PLPPR5: variants seen among roughly 807,000 people sequenced by gnomAD.
PLPPR5 encodes the protein phospholipid phosphatase-related protein type 5.
PLPPR5 carries 16 observed loss-of-function variants against 33.9 expected under a neutral mutation model. The ratio of observed to expected loss-of-function variants is 0.47; its 90% CI spans 0.32 to 0.72. PLPPR5 has a LOEUF of 0.72. Ranked by LOEUF, PLPPR5 falls within the 30% of genes least tolerant of loss-of-function variation. The pLI, the probability that PLPPR5 is intolerant of heterozygous loss-of-function variation, is 0.03. For missense variants in PLPPR5, 301 were observed against 406.7 expected, an observed-to-expected ratio of 0.74 and a Z score of 2.23; for synonymous variants, 163 against 150.3, an observed-to-expected ratio of 1.08 and a Z score of -0.62.
At chr1:98,904,886 T>C (rs143072771) in intron 5 of PLPPR5, among the ~76,000 whole-genome samples, 64 of 152,358 alleles carry the variant, frequency 4.2e-4, no homozygotes, top group Non-Finnish European at 8.1e-4. Context: ...TTAGTGACAC[T>C]CTGGCTGGGA....
Position 98,951,712 on chromosome 1 carries a change from T to A in PLPPR5, c.621+1358A>T, listed in dbSNP as rs559107981. ...TTTTATTCAGTAATCTTTATTTGAA[T>A]CTCAAGTAGAGATGTCACAAGGTAT... On this transcript the variant is annotated intron_variant, in intron 3 of 5. Transcript: ENST00000263177. Among the ~76,000 whole-genome samples, 24 of 152,354 alleles carry A rather than the reference T, an allele frequency of 1.6e-4. No individual in the cohort carries two copies. The South Asian group carries it at 1.7e-3, about 11-fold the overall frequency.
intron 3 of PLPPR5, among the ~76,000 whole-genome samples, chr1:98,935,831 T>C (rs1230071205): frequency 2.6e-5 from 4 of 152,190 alleles, no homozygotes; most frequent in East Asian, 1.9e-4. Flanking sequence ...GCCATGGCCA[T>C]GTGAGTAGCA....
chr1:98,966,301 T>C (rs1651450479), intron 1 of PLPPR5, among the ~76,000 whole-genome samples: 1 of 152,182 alleles, frequency 6.6e-6, no homozygotes, highest in Admixed American at 6.5e-5. Context: ...GCTGAGTTGG[T>C]ATGCAGCTAT....
chr1:98,972,168 A>G lies in PLPPR5; in HGVS notation c.238-15427T>C, dbSNP rs1465793351. ...CTCTTCCCAAGCTCCCCTTGGTACT[A>G]TAAGACATTTCAAAATCACAATTTT... On this transcript the variant is annotated intron_variant, in intron 1 of 5. Coordinates refer to ENST00000263177, the MANE Select transcript of PLPPR5 (RefSeq NM_001037317.2). Among the ~76,000 whole-genome samples, 7 of 152,090 alleles carry G rather than the reference A, an allele frequency of 4.6e-5. No individual in the cohort carries two copies. The East Asian group carries it at 9.7e-4, about 21-fold the overall frequency.
chr1:98,958,485 G>T (rs1291228664), intron 1 of PLPPR5, among the ~76,000 whole-genome samples: 2 of 151,822 alleles, frequency 1.3e-5, no homozygotes, highest in Admixed American at 6.6e-5. Flanking sequence ...AAAGAGACTA[G>T]TCTTGCCTAT....
At chr1:98,988,332 A>C (rs1652332231) in intron 1 of PLPPR5, among the ~76,000 whole-genome samples, 1 of 152,146 alleles carries the variant, frequency 6.6e-6, no homozygotes, top group Non-Finnish European at 1.5e-5. Flanking sequence ...TGTTGTAAAC[A>C]AATTGGTCTT....
At chr1:98,985,221 G>T (rs570653074) in intron 1 of PLPPR5, among the ~76,000 whole-genome samples, 1 of 152,102 alleles carries the variant, frequency 6.6e-6, no homozygotes, top group South Asian at 2.1e-4. Context: ...CTAGGGAGAG[G>T]ATTGATAATA....
chr1:99,001,283 C>T (rs975218281), intron 1 of PLPPR5, among the ~76,000 whole-genome samples: 11 of 151,812 alleles, frequency 7.2e-5, no homozygotes, highest in African/African-American at 2.4e-5. Flanking sequence ...TACAGGCGCC[C>T]GCCACCATGC....
chr1:98,957,477 T>C (rs1417801249), intron 1 of PLPPR5, among the ~76,000 whole-genome samples: 2 of 152,040 alleles, frequency 1.3e-5, no homozygotes, highest in Non-Finnish European at 2.9e-5. Flanking sequence ...GTAATTAAAT[T>C]CCATGTTTTA....
intron 5 of PLPPR5, among the ~76,000 whole-genome samples, chr1:98,905,418 T>C (rs975740390): frequency 3.3e-5 from 5 of 152,182 alleles, no homozygotes; most frequent in African/African-American, 1.2e-4. Flanking sequence ...TACTTTGTAA[T>C]TGGCCTTTTA....
intron 4 of PLPPR5, among the ~76,000 whole-genome samples, chr1:98,915,698 T>C (rs968377872): frequency 8.5e-5 from 13 of 152,304 alleles, no homozygotes; most frequent in Non-Finnish European, 1.5e-4. Context: ...TCATCCTTAA[T>C]GTGCATAAAA....
chr1:98,917,387 C>T (rs943442193), intron 4 of PLPPR5, among the ~76,000 whole-genome samples: 2 of 152,186 alleles, frequency 1.3e-5, no homozygotes, highest in African/African-American at 4.8e-5. Context: ...AACTATCTCT[C>T]TAAATCTAAT....
At chr1:98,969,615 T>C (rs1022578507) in intron 1 of PLPPR5, among the ~76,000 whole-genome samples, 3 of 152,038 alleles carry the variant, frequency 2.0e-5, no homozygotes, top group Admixed American at 6.6e-5. Flanking sequence ...TCACTGGACT[T>C]CCTTAGATTG....
intron 5 of PLPPR5, among the ~76,000 whole-genome samples, chr1:98,911,787 T>C (rs997582048): frequency 6.6e-6 from 1 of 152,046 alleles, no homozygotes; most frequent in Non-Finnish European, 1.5e-5. Flanking sequence ...AGGGATGGGT[T>C]CTCCATCTGT....
intron 5 of PLPPR5, among the ~76,000 whole-genome samples, chr1:98,908,383 T>C (rs1339912940): frequency 6.6e-6 from 1 of 152,160 alleles, no homozygotes; most frequent in East Asian, 1.9e-4. Context: ...CCTACATTAT[T>C]TTTGATAATA....
chr1:98,955,118 T>C (rs2101216728), intron 2 of PLPPR5, among the ~76,000 whole-genome samples: 1 of 152,216 alleles, frequency 6.6e-6, no homozygotes, highest in South Asian at 2.1e-4. Context: ...AAAGTCACTA[T>C]ACAGAATGAT....
At chr1:98,996,647 C>T (rs997282036) in intron 1 of PLPPR5, among the ~76,000 whole-genome samples, 18 of 152,110 alleles carry the variant, frequency 1.2e-4, no homozygotes, top group African/African-American at 4.3e-4. Flanking sequence ...AAGATCCTAA[C>T]TCTGACCTCA....
At chr1:98,944,242 C>T (rs1287539611) in intron 3 of PLPPR5, among the ~76,000 whole-genome samples, 1 of 152,192 alleles carries the variant, frequency 6.6e-6, no homozygotes, top group African/African-American at 2.4e-5. Context: ...ACAATTACTG[C>T]ATCTCGTACC....
intron 5 of PLPPR5, among the ~76,000 whole-genome samples, chr1:98,901,451 C>A (rs981870337): frequency 1.3e-5 from 2 of 151,936 alleles, no homozygotes; most frequent in African/African-American, 4.8e-5. Context: ...GCAAATTATG[C>A]TTTAATAAAT....
Sources: gnomAD v4.1 joint callset for allele counts (sites outside exome capture counted in the v4.1 genomes callset) on GRCh38, gnomAD v4.1.1 for gene constraint, MANE v1.5 for transcripts, NCBI Gene and HGNC (gene_info 2026-07-23, HGNC 2026-07-21) for gene names.